The following ABLIM2 variants were observed in gnomAD, a reference collection of about 807,000 sequenced individuals.
ABLIM2 encodes actin binding LIM protein family member 2.
A neutral mutation model predicts 97.7 loss-of-function variants in ABLIM2; 53 were observed. That is an observed-to-expected ratio of 0.54 (90% confidence interval 0.44 to 0.68). The LOEUF (loss-of-function observed/expected upper bound fraction) is 0.68. ABLIM2 is among the 30% of genes least tolerant of loss of function. The pLI is 0.00. For missense variants in ABLIM2, 835 were observed against 867.2 expected (o/e 0.96, Z 0.47); for synonymous variants, 361 against 345.8 (o/e 1.04, Z -0.49).
At chr4:8,153,934 T>G (rs181563117) in intron 1 of ABLIM2, among the ~76,000 whole-genome samples, 45 of 151,978 alleles carry the variant, frequency 3.0e-4, no homozygotes, top group African/African-American at 1.0e-3. Flanking sequence ...AATTTTGTCC[T>G]GAGCTGTTTT....
chr4:8,007,940 C>T, intron 16 of ABLIM2, 119 bp downstream of exon 16: 2 of 1,497,004 alleles, frequency 1.3e-6, no homozygotes, highest in East Asian at 2.3e-5. Flanking sequence ...GTGGGCTTTG[C>T]TTTCATGCTT....
At chr4:8,010,235 T>C (rs1217293382) in intron 14 of ABLIM2, among the ~76,000 whole-genome samples, 3 of 152,240 alleles carry the variant, frequency 2.0e-5, no homozygotes, top group African/African-American at 4.8e-5. Flanking sequence ...CAGCGAAGAA[T>C]GAGCAAATAA....
chr4:8,016,679 A>G (rs1038331534), intron 14 of ABLIM2, among the ~76,000 whole-genome samples: 2 of 152,134 alleles, frequency 1.3e-5, no homozygotes, highest in African/African-American at 4.8e-5. Flanking sequence ...CGTGCTGGAG[A>G]TAAAGACTGT....
At chr4:8,010,296 C>T (rs1764087007) in intron 14 of ABLIM2, 1 of 898,250 alleles carries the variant, frequency 1.1e-6, no homozygotes, top group African/African-American at 1.8e-5. Context: ...AGTAGGTAAA[C>T]ACCCACACCT....
At chr4:8,020,068 T>A (rs1367353136) in intron 13 of ABLIM2, 134 bp downstream of exon 13, 2 of 741,424 alleles carry the variant, frequency 2.7e-6, no homozygotes, top group Non-Finnish European at 4.4e-6. Context: ...TCTCAGTGCC[T>A]GGGGAGCAGT....
At chr4:8,018,866 A>C (rs554838555) in intron 14 of ABLIM2, among the ~76,000 whole-genome samples, 5 of 152,260 alleles carry the variant, frequency 3.3e-5, no homozygotes, top group Non-Finnish European at 7.4e-5. Context: ...TCGATATCCC[A>C]TGAAGTTCCC....
chr4:7,985,742 G>A (rs1361926612), intron 17 of ABLIM2, among the ~76,000 whole-genome samples: 1 of 152,180 alleles, frequency 6.6e-6, no homozygotes, highest in South Asian at 2.1e-4. Flanking sequence ...GGATGGGCCC[G>A]AGAGCTCCTG....
intron 8 of ABLIM2, among the ~76,000 whole-genome samples, chr4:8,048,142 C>T (rs775006214): frequency 1.3e-5 from 2 of 152,236 alleles, no homozygotes; most frequent in African/African-American, 2.4e-5. Flanking sequence ...TCTCTGGGCT[C>T]AGTCCCCAGC....
chr4:8,020,479 T>C (rs1053769920), intron 12 of ABLIM2, 176 bp from the exon 13 acceptor site: 1 of 695,546 alleles, frequency 1.4e-6, no homozygotes, highest in African/African-American at 1.7e-5. Context: ...CCAGACTGTG[T>C]CCAAGGACTT....
In ABLIM2 at chr4:8,128,492, G is replaced by A. The variant is rs1289260562; in HGVS notation, c.11-21855C>T. 6.6e-6 allele frequency among the ~76,000 whole-genome samples: 1 copy of A among 152,184 alleles called. No individual in the cohort carries two copies. Among genetic ancestry groups the A allele is most frequent in the Non-Finnish European group, 1.5e-5 (1 of 68,040 alleles). On this transcript the variant is annotated intron_variant, in intron 1 of 20. Coordinates refer to ENST00000447017, the MANE Select transcript of ABLIM2 (RefSeq NM_001130083.2). The surrounding 1 kb of genome is among the most constrained non-coding windows in gnomAD (Gnocchi z 4.9). ...TAGCACCACGCAGAACAGAGTTTTA[G>A]ATTTTATTTAATTTTAATTCAACCA... is the stretch of plus-strand genomic sequence containing the variant.
chr4:8,156,887 C>T (rs1044723922), intron 1 of ABLIM2, among the ~76,000 whole-genome samples: 2 of 152,226 alleles, frequency 1.3e-5, no homozygotes, highest in African/African-American at 2.4e-5. Flanking sequence ...TGCGCATCAT[C>T]GGCTGGGGAC....
Position 8,021,874 on chromosome 4 carries a change from C to A in ABLIM2, c.1268-1571G>T, listed in dbSNP as rs971772315. Among the ~76,000 whole-genome samples the A allele has an allele frequency of 2.6e-5, 4 of 152,244 alleles. No homozygotes were observed. The East Asian group carries it at 7.7e-4, about 29-fold the overall frequency. ...AACTGCCCTTCCCTTAGCAACCTCC[C>A]TCCAGAACAGCATGGAACCTTCTAG... is the stretch of plus-strand genomic sequence containing the variant. On this transcript the variant is annotated intron_variant, in intron 12 of 20. Transcript: ENST00000447017. This position sits in a 1 kb window ranked among gnomAD's most constrained non-coding sequence, Gnocchi z 5.5.
rs114323662 is a variant in ABLIM2 at position 8,105,157 on chromosome 4, C to G, written c.154+1337G>C. On this transcript the variant is annotated intron_variant, in intron 2 of 20. Coordinates refer to ENST00000447017, the MANE Select transcript of ABLIM2 (RefSeq NM_001130083.2). Reference sequence around the variant, plus strand: ...TGGCGTCGGGAGGATTCCCTTCTGTCTGGAGCAGCCTTGCTTCTGCCAGGC... The same window carrying G: ...TGGCGTCGGGAGGATTCCCTTCTGTGTGGAGCAGCCTTGCTTCTGCCAGGC... Among the ~76,000 whole-genome samples, 371 of 152,322 alleles carry G rather than the reference C, an allele frequency of 2.4e-3. 5 individuals carry two copies. The highest frequency in any genetic ancestry group is 2.0e-3 in the Admixed American group (31 of 15,310).
rs76001779 is a variant in ABLIM2, at chr4:8,132,304, T to G, written c.11-25667A>C. Among the ~76,000 whole-genome samples the G allele has an allele frequency of 8.5e-4, 129 of 152,302 alleles. No individual in the cohort carries two copies. Among genetic ancestry groups the G allele is most frequent in the African/African-American group, 3.0e-3 (125 of 41,560 alleles). On this transcript the variant is annotated intron_variant, in intron 1 of 20. Transcript: ENST00000447017. The surrounding 1 kb of genome is among the most constrained non-coding windows in gnomAD (Gnocchi z 8.0). ...TGGATGGGGTATAATTACTCACATC[T>G]TCATTTCTGAATGCTGCTTAAAAGC... is the stretch of plus-strand genomic sequence containing the variant.
chr4:8,102,388 T>G (rs542674316), intron 2 of ABLIM2, among the ~76,000 whole-genome samples: 1 of 152,344 alleles, frequency 6.6e-6, no homozygotes, highest in South Asian at 2.1e-4. Context: ...TTCTAGCACA[T>G]GATGAAATTT....
chr4:8,143,163 G>GA (rs1050118533), intron 1 of ABLIM2, among the ~76,000 whole-genome samples: 1 of 148,540 alleles, frequency 6.7e-6, no homozygotes, highest in Non-Finnish European at 1.5e-5. Context: ...CGAGAGTGGG[G>GA]GGGGGGGGCG....
At position 8,029,694 on chromosome 4, in the gene ABLIM2, G is replaced by A; in HGVS notation, c.1130C>T (p.Thr377Ile). 3 of 1,551,152 alleles carry A rather than the reference G, an allele frequency of 1.9e-6. No individual in the cohort carries two copies. Among genetic ancestry groups the A allele is most frequent in the South Asian group, 1.2e-5 (1 of 84,074 alleles). ...GTGCTGTGGTGACCGTGAGGTCGGAGTGTAGCGCCCGAGGCTAACCGACCC... is the reference window on the plus strand; with the variant it reads ...GTGCTGTGGTGACCGTGAGGTCGGAATGTAGCGCCCGAGGCTAACCGACCC... The part of the protein sequence containing the change: ...STGSVSLGRY[T>I]PTSRSPQHYS... The change falls in exon 11 of 21, where the codon ACT becomes ATT. Residue 377 changes from threonine to isoleucine, a missense_variant. Thr to Ile is a moderately conservative substitution (Grantham distance 89, BLOSUM62 -1). Coordinates refer to ENST00000447017, the MANE Select transcript of ABLIM2 (RefSeq NM_001130083.2).
intron 16 of ABLIM2, chr4:7,993,896 G>A (rs752163514): frequency 3.9e-6 from 2 of 508,250 alleles, no homozygotes; most frequent in African/African-American, 1.9e-5. Flanking sequence ...CTGGCCCTGG[G>A]TGGGCCTGGG....
In ABLIM2 at chr4:8,132,345, T is replaced by C. The variant is rs534742120; in HGVS notation, c.11-25708A>G. ...GCTTAAAAGCTGAGAAGTAATGAGA[T>C]CAGGCCCTGACACATGGGACAGGTG... On this transcript the variant is annotated intron_variant, in intron 1 of 20. Coordinates refer to ENST00000447017, the MANE Select transcript of ABLIM2 (RefSeq NM_001130083.2). This position sits in a 1 kb window ranked among gnomAD's most constrained non-coding sequence, Gnocchi z 8.0. Among the ~76,000 whole-genome samples, 2 of 152,286 alleles carry C rather than the reference T, an allele frequency of 1.3e-5. No individual in the cohort carries two copies. Among genetic ancestry groups the C allele is most frequent in the Non-Finnish European group, 2.9e-5 (2 of 68,014 alleles).
Sources: gnomAD v4.1 joint callset for allele counts (sites outside exome capture counted in the v4.1 genomes callset) on GRCh38, gnomAD v4.1.1 for gene constraint, Gnocchi (gnomAD v3.1) non-coding constraint, MANE v1.5 for transcripts, NCBI Gene and HGNC (gene_info 2026-07-23, HGNC 2026-07-21) for gene names.